Variants in WDR7 observed in about 807,000 individuals in gnomAD.
The protein encoded by WDR7 is WD repeat-containing protein 7.
In WDR7, 46 loss-of-function variants were observed where a neutral mutation model predicts 169.4. That is an observed-to-expected ratio of 0.27 (90% CI 0.21 to 0.35). The LOEUF (loss-of-function observed/expected upper bound fraction) is 0.35. Among genes scored for constraint, WDR7 ranks in the 10% least tolerant of loss-of-function variants. WDR7 has a pLI of 1.00. For synonymous variants in WDR7, 612 were observed against 666.8 expected (o/e 0.92, Z 1.27); for missense variants, 1,534 against 1,859.3 (o/e 0.83, Z 3.22).
chr18:56,925,051 C>T (rs977142515), intron 22 of WDR7, among the ~76,000 whole-genome samples: 1 of 152,166 alleles, frequency 6.6e-6, no homozygotes, highest in Non-Finnish European at 1.5e-5. Flanking sequence ...TTGTGACTGG[C>T]TTCTTCACTG....
intron 2 of WDR7, among the ~76,000 whole-genome samples, chr18:56,678,647 C>T (rs2025293556): frequency 6.6e-6 from 1 of 152,136 alleles, no homozygotes. Context: ...CAGGTGCGCG[C>T]CACCACGCCT....
At chr18:56,885,545 C>A (rs2046175835) in intron 21 of WDR7, among the ~76,000 whole-genome samples, 1 of 151,938 alleles carries the variant, frequency 6.6e-6, no homozygotes, top group Admixed American at 6.6e-5. Context: ...CAGAACTCAG[C>A]TGGGCGCGGT....
At chr18:56,918,245 G>C (rs2046655755) in intron 21 of WDR7, among the ~76,000 whole-genome samples, 1 of 152,142 alleles carries the variant, frequency 6.6e-6, no homozygotes. Context: ...TAATCTTGAA[G>C]ATGGCCCCAG....
chr18:57,024,019 T>A (rs1419415144), intron 27 of WDR7, among the ~76,000 whole-genome samples: 1 of 152,230 alleles, frequency 6.6e-6, no homozygotes, highest in East Asian at 1.9e-4. Context: ...AGCTTGTTTA[T>A]ATAAAATTTA....
chr18:56,660,736 A>G (rs937783258), intron 1 of WDR7, among the ~76,000 whole-genome samples: 5 of 152,180 alleles, frequency 3.3e-5, no homozygotes, highest in Non-Finnish European at 7.3e-5. Context: ...GAAAAAGTGA[A>G]GACTTTGAGG....
intron 14 of WDR7, among the ~76,000 whole-genome samples, chr18:56,754,744 C>T (rs1599018203): frequency 6.6e-6 from 1 of 152,066 alleles, no homozygotes; most frequent in Non-Finnish European, 1.5e-5. Flanking sequence ...TTAAAATATT[C>T]GATACAGTTT....
In WDR7 at chr18:56,731,578, C is replaced by T; in HGVS notation, c.1970C>T (p.Ala657Val). 1.2e-6 allele frequency: 2 copies of T among 1,613,940 alleles called. No homozygotes were observed. Among genetic ancestry groups the T allele is most frequent in the African/African-American group, 1.3e-5 (1 of 75,046 alleles). Residue 657 changes from alanine (A) to valine (V), a missense_variant, in exon 14 of 28, where the codon GCT (alanine) becomes GTT (valine). By Grantham distance (64) the Ala-to-Val change is moderately conservative. Coordinates refer to ENST00000254442, the MANE Select transcript of WDR7 (RefSeq NM_015285.3). ...CAAACCCTTGCAACTAACCTCTTGG[C>T]TTCTGAGGCATCTGACAAGGTAAGT... ...KLQTLATNLL[A>V]SEASDKGNLP... is the part of the protein sequence containing the mutation.
chr18:56,938,056 AG>A (rs913360579), intron 23 of WDR7, among the ~76,000 whole-genome samples: 165 of 152,274 alleles, frequency 1.1e-3, no homozygotes, highest in African/African-American at 3.9e-3. Context: ...GAGTAGACTG[AG>A]GGGGAGGAAG....
intron 13 of WDR7, among the ~76,000 whole-genome samples, chr18:56,719,572 A>C (rs868624237): frequency 5.6e-5 from 8 of 143,346 alleles, no homozygotes; most frequent in African/African-American, 2.4e-4. Flanking sequence ...AAAAAAAAAA[A>C]AAAAAAACAG....
Position 56,832,349 on chromosome 18 carries a change from T to C in WDR7, c.3304+16205T>C, listed in dbSNP as rs570240257. Among the ~76,000 whole-genome samples, 558 of 152,280 alleles carry C rather than the reference T, an allele frequency of 3.7e-3. 2 individuals are homozygous for C. Among genetic ancestry groups the C allele is most frequent in the Admixed American group, 5.6e-3 (85 of 15,298 alleles). On this transcript the variant is annotated intron_variant, in intron 20 of 27. Transcript: ENST00000254442. ...AAAGCAGCAGCCCCACTCAGAGACT[T>C]TAGATAAAACTCCCATCTCCTTGGG...
intron 1 of WDR7, among the ~76,000 whole-genome samples, chr18:56,662,572 G>C (rs1216674406): frequency 2.6e-5 from 4 of 152,202 alleles, no homozygotes; most frequent in African/African-American, 4.8e-5. Flanking sequence ...TGCTTCCTGA[G>C]GTGGTGCAGT....
rs1467742553 is a variant in WDR7, at chr18:56,686,075, C to T, written c.597+43C>T. ...GGGGTGATTTCTCTGTTTTTATTCT[C>T]TGTAGCTCAAAATTTTAGTAATGAT... On this transcript the variant is annotated intron_variant, in intron 6 of 27. Transcript: ENST00000254442. 2.0e-6 allele frequency: 3 copies of T among 1,507,632 alleles called. No individual in the cohort carries two copies. In the African/African-American group the frequency reaches 4.3e-5, roughly 22 times the overall value. The allele number at this position is 1,507,632 out of a possible 1,614,324, so 93.4% of individuals were successfully genotyped here.
intron 1 of WDR7, among the ~76,000 whole-genome samples, chr18:56,654,329 A>G (rs2024720297): frequency 1.3e-5 from 2 of 152,128 alleles, no homozygotes; most frequent in Middle Eastern, 3.2e-3. Context: ...ACGGAGTTTC[A>G]CTATGTTGGC....
At chr18:56,782,700 T>C (rs986062159) in intron 19 of WDR7, among the ~76,000 whole-genome samples, 13 of 152,260 alleles carry the variant, frequency 8.5e-5, no homozygotes, top group Non-Finnish European at 1.9e-4. Flanking sequence ...AGATGGACAG[T>C]ACATTATTAT....
At chr18:56,967,424 C>A (rs2047425744) in intron 26 of WDR7, among the ~76,000 whole-genome samples, 1 of 151,932 alleles carries the variant, frequency 6.6e-6, no homozygotes, top group African/African-American at 2.4e-5. Context: ...GTATCTAACT[C>A]CCTATGAAGA....
intron 21 of WDR7, among the ~76,000 whole-genome samples, chr18:56,880,827 T>C (rs2046095887): frequency 6.6e-6 from 1 of 152,190 alleles, no homozygotes; most frequent in Non-Finnish European, 1.5e-5. Context: ...GGTATGTTAA[T>C]AATAGGTAAG....
chr18:56,922,808 C>T (rs943226502), intron 21 of WDR7, among the ~76,000 whole-genome samples: 1 of 152,122 alleles, frequency 6.6e-6, no homozygotes, highest in African/African-American at 2.4e-5. Context: ...CATTTCAATC[C>T]ATTCTCATTT....
In WDR7 at chr18:56,701,888, CAA is replaced by C. The variant is rs147348312; in HGVS notation, c.1578+5427_1578+5428del. Reference sequence around the variant, plus strand: ...GTCTTATTAATCCTTCAGATATTTTCAATTTTACAGTGTTTTAATGCTTCAGA... The same window carrying C: ...GTCTTATTAATCCTTCAGATATTTTCTTTTACAGTGTTTTAATGCTTCAGA... On this transcript the variant is annotated intron_variant, in intron 12 of 27. Transcript: ENST00000254442. Among the ~76,000 whole-genome samples the C allele has an allele frequency of 4.5e-3, 691 of 152,266 alleles. 5 individuals are homozygous for C. The highest frequency in any genetic ancestry group is 0.015 in the African/African-American group (642 of 41,566).
chr18:56,672,814 G>C, intron 2 of WDR7, 140 bp downstream of exon 2: 1 of 803,730 alleles, frequency 1.2e-6, no homozygotes, highest in Non-Finnish European at 1.8e-6. Context: ...GTAGTATACA[G>C]ATTCATTATT....
Sources: gnomAD v4.1 joint callset for allele counts (sites outside exome capture counted in the v4.1 genomes callset) on GRCh38, gnomAD v4.1.1 for gene constraint, MANE v1.5 for transcripts, NCBI Gene and HGNC (gene_info 2026-07-23, HGNC 2026-07-21) for gene names.